The following GRIK2 variants were observed in gnomAD, a reference collection of about 807,000 sequenced individuals.
The protein encoded by GRIK2 is glutamate ionotropic receptor kainate type subunit 2.
In GRIK2, 32 loss-of-function variants were observed where a neutral mutation model predicts 100.3. The observed-to-expected ratio is 0.32, with a 90% CI of 0.24 to 0.43. GRIK2 has a LOEUF of 0.43. Ranked by LOEUF, GRIK2 falls within the 20% of genes least tolerant of loss-of-function variation. The pLI is 1.00. For missense variants in GRIK2, 843 were observed against 1,114.9 expected (o/e 0.76, Z 3.47); for synonymous variants, 417 against 389.4 (o/e 1.07, Z -0.83).
At chr6:101,777,266 T>G (rs561809146) in intron 7 of GRIK2, among the ~76,000 whole-genome samples, 1 of 152,266 alleles carries the variant, frequency 6.6e-6, no homozygotes, top group Non-Finnish European at 1.5e-5. Context: ...ACCTGCTCTG[T>G]GCTGGGCAGA....
intron 12 of GRIK2, among the ~76,000 whole-genome samples, chr6:101,918,139 A>T (rs1452085683): frequency 6.6e-6 from 1 of 151,588 alleles, no homozygotes; most frequent in Non-Finnish European, 1.5e-5. Context: ...TTTAAACAAG[A>T]TTTGCTTTGA....
chr6:101,445,918 A>G (rs1032021774), intron 2 of GRIK2, among the ~76,000 whole-genome samples: 6 of 152,076 alleles, frequency 3.9e-5, no homozygotes, highest in African/African-American at 1.4e-4. Flanking sequence ...AATGTGTGTT[A>G]AAATACAGTT....
chr6:101,737,245 G>C (rs527711305), intron 7 of GRIK2, among the ~76,000 whole-genome samples: 2 of 152,042 alleles, frequency 1.3e-5, no homozygotes, highest in Non-Finnish European at 2.9e-5. Flanking sequence ...TTCCAAAGTT[G>C]CTTCCACATT....
Position 101,676,699 on chromosome 6 carries a change from T to C in GRIK2, c.618T>C (p.Ala206=). The change falls in exon 5 of 17, where the codon GCT becomes GCC. Residue 206 remains alanine, a synonymous_variant. Transcript: ENST00000369134. Reference sequence around the variant, plus strand: ...GACTCAAAATTCGTCAGTTACCTGCTGATACAAAGGATGCAAAACCCTTAC... The same window carrying C: ...GACTCAAAATTCGTCAGTTACCTGCCGATACAAAGGATGCAAAACCCTTAC... ...NLRLKIRQLP[A]DTKDAKPLLK... is the part of the protein sequence containing the mutation. 6.2e-7 allele frequency: 1 copy of C among 1,605,342 alleles called. No homozygotes were observed. Among genetic ancestry groups the C allele is most frequent in the Non-Finnish European group, 8.5e-7 (1 of 1,173,174 alleles).
intron 12 of GRIK2, among the ~76,000 whole-genome samples, chr6:101,902,057 T>C (rs904603646): frequency 2.8e-4 from 43 of 152,082 alleles, no homozygotes; most frequent in African/African-American, 1.0e-3. Flanking sequence ...TATTGTTCAG[T>C]GATGTGATGA....
At chr6:101,984,917 T>C (rs1793935204) in intron 14 of GRIK2, among the ~76,000 whole-genome samples, 3 of 151,640 alleles carry the variant, frequency 2.0e-5, no homozygotes, top group Admixed American at 1.3e-4. Context: ...ATATATACAG[T>C]GAATGTAAGT....
chr6:101,863,751 T>C (rs1384229749), intron 11 of GRIK2, among the ~76,000 whole-genome samples: 1 of 152,214 alleles, frequency 6.6e-6, no homozygotes, highest in Admixed American at 6.5e-5. Context: ...TTTCTCTTAC[T>C]CTCCTGTGTA....
chr6:101,866,747 T>C (rs1785072815), intron 11 of GRIK2, among the ~76,000 whole-genome samples: 1 of 151,128 alleles, frequency 6.6e-6, no homozygotes, highest in African/African-American at 2.5e-5. Flanking sequence ...CTAGCCATTC[T>C]TTTTCTCCAT....
At position 102,041,125 on chromosome 6, in the gene GRIK2, A is replaced by C. The variant is rs529161047; in HGVS notation, c.2311+5559A>C. ...AATAAGTTATGCCTGCTCCACAGACATCATTAACAGGCTGCATGCTACAAT... is the reference window on the plus strand; with the variant it reads ...AATAAGTTATGCCTGCTCCACAGACCTCATTAACAGGCTGCATGCTACAAT... On this transcript the variant is annotated intron_variant, in intron 15 of 16. Transcript: ENST00000369134. Among the ~76,000 whole-genome samples, 37 of 151,738 alleles carry C rather than the reference A, an allele frequency of 2.4e-4. No homozygotes were observed. The South Asian group carries it at 7.5e-3, about 31-fold the overall frequency.
chr6:102,064,000 C>A, intron 16 of GRIK2: 3 of 1,558,648 alleles, frequency 1.9e-6, no homozygotes, highest in Non-Finnish European at 1.8e-6. Flanking sequence ...ACCATCCAGA[C>A]ACTGTTTAGT....
chr6:102,047,199 T>C (rs1207444429), intron 15 of GRIK2, among the ~76,000 whole-genome samples: 1 of 151,300 alleles, frequency 6.6e-6, no homozygotes, highest in Non-Finnish European at 1.5e-5. Flanking sequence ...AAGTAAATAA[T>C]AAAGATCAGA....
chr6:101,676,568 C>A (rs1770855905), intron 4 of GRIK2, 55 bp from the exon 5 acceptor site: 2 of 993,630 alleles, frequency 2.0e-6, no homozygotes, highest in South Asian at 1.8e-5. Context: ...GATTCTTTGC[C>A]CTACTCTATT....
At position 101,634,466 on chromosome 6, in the gene GRIK2, A is replaced by G. The variant is rs532985314; in HGVS notation, c.541+7829A>G. Among the ~76,000 whole-genome samples the G allele has an allele frequency of 1.4e-4, 22 of 152,234 alleles. No homozygotes were observed. In the South Asian group the frequency reaches 3.9e-3, roughly 27 times the overall value. On this transcript the variant is annotated intron_variant, in intron 4 of 16. Transcript: ENST00000369134. Reference sequence around the variant, plus strand: ...TTGCTATCATTCAGTGGTATTGTATATATCATAAATTCATCTTAAAAATAG... The same window carrying G: ...TTGCTATCATTCAGTGGTATTGTATGTATCATAAATTCATCTTAAAAATAG...
chr6:102,027,276 T>G (rs1447831398), intron 14 of GRIK2, among the ~76,000 whole-genome samples: 1 of 151,258 alleles, frequency 6.6e-6, no homozygotes, highest in Non-Finnish European at 1.5e-5. Flanking sequence ...AGTCAGAAAT[T>G]AGTTTGCTTT....
intron 7 of GRIK2, among the ~76,000 whole-genome samples, chr6:101,793,656 G>C (rs568538642): frequency 1.3e-5 from 2 of 152,272 alleles, no homozygotes; most frequent in East Asian, 3.9e-4. Flanking sequence ...CGGGGGTCAG[G>C]GGTCAGGGAC....
chr6:101,707,562 ATGTATAT>A (rs1773399789), intron 7 of GRIK2, among the ~76,000 whole-genome samples: 1 of 107,030 alleles, frequency 9.3e-6, no homozygotes, highest in African/African-American at 5.4e-5. Context: ...GTGTATATAT[ATGTATAT>A]ATGTGTATGT....
chr6:101,920,898 A>G (rs1391928099), intron 12 of GRIK2, among the ~76,000 whole-genome samples: 2 of 151,936 alleles, frequency 1.3e-5, no homozygotes, highest in East Asian at 3.9e-4. Context: ...TAAAATAGAG[A>G]TGTGATATTA....
At chr6:101,694,724 A>G (rs980394768) in intron 7 of GRIK2, among the ~76,000 whole-genome samples, 25 of 151,992 alleles carry the variant, frequency 1.6e-4, no homozygotes, top group African/African-American at 5.1e-4. Flanking sequence ...ATTCAGGGTA[A>G]AAATACACCA....
At position 102,013,623 on chromosome 6, in the gene GRIK2, TGA is replaced by T. The variant is rs1421968177; in HGVS notation, c.2086-21714_2086-21713del. On this transcript the variant is annotated intron_variant, in intron 14 of 16. Transcript: ENST00000369134. ...TATGTTGCTTCAATATCTAATTTGT[TGA>T]GAGTTTTTAACATGAAAAGATGTTG... Among the ~76,000 whole-genome samples the T allele has an allele frequency of 2.0e-5, 3 of 152,238 alleles. No individual in the cohort carries two copies. In the East Asian group the frequency reaches 5.8e-4, roughly 29 times the overall value.
Sources: allele counts gnomAD v4.1 joint callset (sites outside exome capture counted in the v4.1 genomes callset), GRCh38; gene constraint gnomAD v4.1.1; transcripts MANE v1.5; gene names NCBI Gene and HGNC (gene_info 2026-07-23, HGNC 2026-07-21).